The following NRXN1 variants were observed in gnomAD, a reference collection of about 807,000 sequenced individuals.
The protein encoded by NRXN1 is neurexin-1.
NRXN1 carries 39 observed loss-of-function variants against 150.9 expected under a neutral mutation model. That is an observed-to-expected ratio of 0.26 (90% CI 0.20 to 0.34). NRXN1 has a LOEUF of 0.34. Among genes scored for constraint, NRXN1 ranks in the 10% least tolerant of loss-of-function variants. The pLI is 1.00. For missense variants in NRXN1, 1,815 were observed against 1,949.9 expected (o/e 0.93, Z 1.30); for synonymous variants, 924 against 757.0 (o/e 1.22, Z -3.62).
intron 5 of NRXN1, among the ~76,000 whole-genome samples, chr2:50,669,830 A>C (rs1414906280): frequency 6.6e-6 from 1 of 150,446 alleles, no homozygotes; most frequent in Non-Finnish European, 1.5e-5. Context: ...AAATAAAAAT[A>C]GAAATAAAAA....
intron 17 of NRXN1, among the ~76,000 whole-genome samples, chr2:50,431,615 T>C (rs1558720555): frequency 1.3e-5 from 2 of 152,200 alleles, no homozygotes; most frequent in South Asian, 4.1e-4. Flanking sequence ...TTTGACATCA[T>C]GTAAAAGTAT....
At chr2:50,443,391 G>A (rs994690303) in intron 17 of NRXN1, among the ~76,000 whole-genome samples, 6 of 152,276 alleles carry the variant, frequency 3.9e-5, no homozygotes, top group South Asian at 2.1e-4. Context: ...GCCTTCAGTC[G>A]TATAGAAAGT....
At chr2:50,112,751 T>C (rs1357788705) in intron 18 of NRXN1, among the ~76,000 whole-genome samples, 2 of 152,138 alleles carry the variant, frequency 1.3e-5, no homozygotes, top group Admixed American at 1.3e-4. Context: ...ATAAAATTCA[T>C]ACCTGCCTCA....
At chr2:50,502,860 G>C (rs551247631) in intron 13 of NRXN1, among the ~76,000 whole-genome samples, 3 of 152,020 alleles carry the variant, frequency 2.0e-5, no homozygotes, top group Admixed American at 1.3e-4. Context: ...CTGCTGAAGG[G>C]GTCAAGTAGC....
chr2:50,753,972 G>GC (rs1245889580), intron 5 of NRXN1, among the ~76,000 whole-genome samples: 94 of 135,192 alleles, frequency 7.0e-4, no homozygotes, highest in Non-Finnish European at 1.1e-3. Flanking sequence ...TTTGGGGGGG[G>GC]GCGGAATTCC....
chr2:50,684,656 A>G (rs1475934005), intron 5 of NRXN1, among the ~76,000 whole-genome samples: 1 of 152,198 alleles, frequency 6.6e-6, no homozygotes, highest in Non-Finnish European at 1.5e-5. Flanking sequence ...ATTGACACAT[A>G]CTGATAATCG....
intron 18 of NRXN1, among the ~76,000 whole-genome samples, chr2:50,201,645 G>C (rs932633386): frequency 6.6e-6 from 1 of 152,142 alleles, no homozygotes; most frequent in Admixed American, 6.5e-5. Context: ...ATCTGTTGCT[G>C]AATAATAAAT....
rs549266622 is a variant in NRXN1, at chr2:50,458,706, A to G, written c.3364+6736T>C. ...GTGATTCTGCTACCTCAGCCTCCTG[A>G]GTAGCTGGAATTACAGGCATGTACC... On this transcript the variant is annotated intron_variant, in intron 17 of 22. Transcript: ENST00000401669. Among the ~76,000 whole-genome samples the G allele has an allele frequency of 6.6e-5, 10 of 151,932 alleles. No homozygotes were observed. In the South Asian group the frequency reaches 2.1e-3, roughly 32 times the overall value.
intron 5 of NRXN1, among the ~76,000 whole-genome samples, chr2:50,766,140 T>C (rs1340912177): frequency 6.6e-6 from 1 of 152,014 alleles, no homozygotes; most frequent in African/African-American, 2.4e-5. Flanking sequence ...TACATTGCTT[T>C]CACATTTCTT....
At chr2:50,759,495 A>C (rs539339303) in intron 5 of NRXN1, among the ~76,000 whole-genome samples, 2 of 152,098 alleles carry the variant, frequency 1.3e-5, no homozygotes, top group African/African-American at 4.8e-5. Context: ...ATGAATCACT[A>C]TGCATCTCAA....
intron 12 of NRXN1, among the ~76,000 whole-genome samples, chr2:50,516,582 T>C (rs1256947940): frequency 6.6e-6 from 1 of 152,150 alleles, no homozygotes; most frequent in Non-Finnish European, 1.5e-5. Flanking sequence ...GTGCCAATCA[T>C]GAACTGGGCT....
intron 5 of NRXN1, chr2:50,696,070 T>C (rs1692794200): frequency 6.6e-6 from 1 of 152,126 alleles, no homozygotes; most frequent in South Asian, 2.1e-4. Context: ...CTTGAACTCC[T>C]GACCTCAGGT....
At chr2:50,232,382 CT>C (rs1478653799) in intron 18 of NRXN1, among the ~76,000 whole-genome samples, 64 of 113,958 alleles carry the variant, frequency 5.6e-4, no homozygotes, top group Non-Finnish European at 9.2e-4. Context: ...TCTTTCTTTT[CT>C]TTTCTTTTTT....
chr2:50,807,512 C>T (rs72889443), intron 5 of NRXN1, among the ~76,000 whole-genome samples: 12,299 of 152,120 alleles, frequency 0.081, 695 homozygotes, highest in African/African-American at 0.15. Context: ...ATTCCAACTG[C>T]TATGAATACT....
chr2:50,128,565 G>C (rs756182851), intron 18 of NRXN1, among the ~76,000 whole-genome samples: 2 of 152,038 alleles, frequency 1.3e-5, no homozygotes, highest in African/African-American at 4.8e-5. Flanking sequence ...AAAATAAAAC[G>C]ATCTCCCAGT....
chr2:50,829,479 A>G, intron 5 of NRXN1: 7 of 1,576,438 alleles, frequency 4.4e-6, no homozygotes, highest in Non-Finnish European at 6.1e-6. Flanking sequence ...GAGGGAGCCT[A>G]TAATAATGAG....
intron 2 of NRXN1, among the ~76,000 whole-genome samples, chr2:50,996,821 C>T (rs533346143): frequency 1.3e-5 from 2 of 152,138 alleles, no homozygotes; most frequent in South Asian, 2.1e-4. Context: ...AAGTTAAAAA[C>T]CATCTTTCAC....
intron 2 of NRXN1, among the ~76,000 whole-genome samples, chr2:50,993,792 T>C (rs1239666810): frequency 1.3e-5 from 2 of 151,968 alleles, no homozygotes; most frequent in Admixed American, 1.3e-4. Flanking sequence ...AAAAATCACA[T>C]GGAGAACATC....
intron 17 of NRXN1, among the ~76,000 whole-genome samples, chr2:50,438,403 T>C (rs973936437): frequency 6.6e-6 from 1 of 152,060 alleles, no homozygotes; most frequent in African/African-American, 2.4e-5. Flanking sequence ...TGTCCAGGAA[T>C]AGGCCCTGGG....
Sources: gnomAD v4.1 joint callset for allele counts (sites outside exome capture counted in the v4.1 genomes callset) on GRCh38, gnomAD v4.1.1 for gene constraint, MANE v1.5 for transcripts, NCBI Gene and HGNC (gene_info 2026-07-23, HGNC 2026-07-21) for gene names.